CADPS2: variants seen among roughly 807,000 people sequenced by gnomAD.
CADPS2 encodes calcium-dependent secretion activator 2.
CADPS2 carries 93 observed loss-of-function variants against 172.5 expected under a neutral mutation model. That is an observed-to-expected ratio of 0.54 (90% CI 0.46 to 0.64). The LOEUF (loss-of-function observed/expected upper bound fraction) is 0.64, where lower values mean the gene tolerates loss of function less well. Ranked by LOEUF, CADPS2 falls within the 30% of genes least tolerant of loss-of-function variation. The probability of loss-of-function intolerance (pLI) is 0.00; values close to 1 mark genes in which losing one functional copy is unlikely to be tolerated. For synonymous variants in CADPS2, 546 were observed against 555.2 expected, an observed-to-expected ratio of 0.98 and a Z score of 0.23; for missense variants, 1,420 against 1,565.9, an observed-to-expected ratio of 0.91 and a Z score of 1.57.
chr7:122,446,978 G>A (rs764763893), intron 15 of CADPS2, among the ~76,000 whole-genome samples: 2 of 150,086 alleles, frequency 1.3e-5, no homozygotes, highest in African/African-American at 2.4e-5. Flanking sequence ...TGTTTTGGGT[G>A]GGAGGCTAAA....
At chr7:122,525,781 T>C (rs1395112121) in intron 8 of CADPS2, among the ~76,000 whole-genome samples, 3 of 152,170 alleles carry the variant, frequency 2.0e-5, no homozygotes, top group East Asian at 3.9e-4. Context: ...CTGGTTATTA[T>C]ATTATGGTTA....
chr7:122,369,127 T>TCTC (rs2041385098), intron 25 of CADPS2, among the ~76,000 whole-genome samples: 2 of 49,762 alleles, frequency 4.0e-5, no homozygotes, highest in Non-Finnish European at 7.6e-5. Flanking sequence ...AATTTTTGTT[T>TCTC]CCCCCCCCCC....
intron 7 of CADPS2, among the ~76,000 whole-genome samples, chr7:122,580,816 G>A (rs1158083140): frequency 6.6e-6 from 1 of 152,120 alleles, no homozygotes; most frequent in Non-Finnish European, 1.5e-5. Context: ...CAAATATAAA[G>A]ATGATCCTTT....
At chr7:122,342,471 C>T (rs1366304270) in intron 28 of CADPS2, among the ~76,000 whole-genome samples, 4 of 152,148 alleles carry the variant, frequency 2.6e-5, no homozygotes, top group Admixed American at 2.0e-4. Flanking sequence ...AGTTACTACA[C>T]TCAGGGAAAG....
chr7:122,712,608 G>A (rs1383982009), intron 2 of CADPS2, among the ~76,000 whole-genome samples: 1 of 151,990 alleles, frequency 6.6e-6, no homozygotes, highest in Non-Finnish European at 1.5e-5. Flanking sequence ...ATGATAATAC[G>A]CTAAATAAGG....
chr7:122,441,920 C>A (rs2051406885), intron 15 of CADPS2, among the ~76,000 whole-genome samples: 1 of 152,188 alleles, frequency 6.6e-6, no homozygotes, highest in African/African-American at 2.4e-5. Flanking sequence ...TATTCAAGTT[C>A]TAAGAGAAAA....
At chr7:122,850,441 G>C (rs1405009736) in intron 1 of CADPS2, 1 of 259,702 alleles carries the variant, frequency 3.9e-6, no homozygotes, top group East Asian at 8.2e-5. Flanking sequence ...GGATTCTTCT[G>C]AGGTGTGCTC....
chr7:122,387,278 A>G (rs1170817612), intron 23 of CADPS2, 105 bp from the exon 24 acceptor site: 6 of 1,162,838 alleles, frequency 5.2e-6, no homozygotes, highest in Non-Finnish European at 7.3e-6. Flanking sequence ...AAAACATGCA[A>G]ATAAGGAGTA....
chr7:122,447,835 G>A (rs980806477), intron 15 of CADPS2, among the ~76,000 whole-genome samples: 2 of 151,996 alleles, frequency 1.3e-5, no homozygotes, highest in Admixed American at 1.3e-4. Flanking sequence ...TTACAAGTGT[G>A]AGCCACTGCA....
chr7:122,584,318 T>C (rs972347735), intron 6 of CADPS2, among the ~76,000 whole-genome samples: 1 of 151,970 alleles, frequency 6.6e-6, no homozygotes, highest in Non-Finnish European at 1.5e-5. Context: ...TCTTTCTCCT[T>C]GAGTGAATTT....
chr7:122,795,130 T>C (rs1796092594), intron 1 of CADPS2, among the ~76,000 whole-genome samples: 1 of 150,946 alleles, frequency 6.6e-6, no homozygotes, highest in African/African-American at 2.4e-5. Flanking sequence ...AGATCTGAAC[T>C]GAAGGAGATT....
chr7:122,449,514 G>T (rs1402798869), intron 15 of CADPS2, among the ~76,000 whole-genome samples: 1 of 151,950 alleles, frequency 6.6e-6, no homozygotes, highest in Non-Finnish European at 1.5e-5. Context: ...TAGAGATGGG[G>T]TCTCGCTACG....
intron 14 of CADPS2, among the ~76,000 whole-genome samples, chr7:122,462,914 G>C (rs1268969258): frequency 2.0e-5 from 3 of 152,122 alleles, no homozygotes; most frequent in Non-Finnish European, 2.9e-5. Context: ...AGGAGTTTGA[G>C]ACCAACCTGT....
At chr7:122,588,132 T>C (rs926448870) in intron 6 of CADPS2, among the ~76,000 whole-genome samples, 1 of 152,112 alleles carries the variant, frequency 6.6e-6, no homozygotes. Flanking sequence ...AATGGATGGA[T>C]TGCAACGATT....
intron 1 of CADPS2, among the ~76,000 whole-genome samples, chr7:122,819,151 C>G (rs958827601): frequency 6.6e-6 from 1 of 152,226 alleles, no homozygotes; most frequent in Non-Finnish European, 1.5e-5. Flanking sequence ...ACTGCAGCAG[C>G]CAGGCATTCC....
rs187991630 is a variant in CADPS2 at position 122,474,798 on chromosome 7, C to G, written c.1862-281G>C. Among the ~76,000 whole-genome samples the G allele has an allele frequency of 1.1e-3, 166 of 152,202 alleles. 4 individuals are homozygous for G. Among genetic ancestry groups the G allele is most frequent in the African/African-American group, 3.8e-3 (159 of 41,540 alleles). On this transcript the variant is annotated intron_variant, in intron 12 of 29. Coordinates refer to ENST00000449022, the MANE Select transcript of CADPS2 (RefSeq NM_017954.11). ...ACAGAAGAATAATCTTATTTTCCAA[C>G]TCTGAGAAAAGCTGTATTTTAAATC...
At chr7:122,717,191 G>T (rs1037362411) in intron 2 of CADPS2, among the ~76,000 whole-genome samples, 3 of 151,932 alleles carry the variant, frequency 2.0e-5, no homozygotes, top group African/African-American at 7.3e-5. Flanking sequence ...TGTTATAATT[G>T]TGAGTTAATT....
chr7:122,518,780 C>T (rs2060566541), intron 8 of CADPS2, among the ~76,000 whole-genome samples: 1 of 151,946 alleles, frequency 6.6e-6, no homozygotes, highest in South Asian at 2.1e-4. Context: ...TTTTATGTGA[C>T]AATTTATGAT....
chr7:122,614,317 C>T (rs1299710886), intron 6 of CADPS2, among the ~76,000 whole-genome samples: 2 of 152,018 alleles, frequency 1.3e-5, no homozygotes, highest in African/African-American at 4.8e-5. Flanking sequence ...TACACATAAC[C>T]CTCTGTATCT....
Sources: gnomAD v4.1 joint callset for allele counts (sites outside exome capture counted in the v4.1 genomes callset) on GRCh38, gnomAD v4.1.1 for gene constraint, MANE v1.5 for transcripts, NCBI Gene and HGNC (gene_info 2026-07-23, HGNC 2026-07-21) for gene names.